FGGY: variants seen among roughly 807,000 people sequenced by gnomAD.
The protein encoded by FGGY is FGGY carbohydrate kinase domain containing.
In FGGY, 72 loss-of-function variants were observed where a neutral mutation model predicts 71.3. That is an observed-to-expected ratio of 1.01 (90% CI 0.84 to 1.23). The LOEUF (loss-of-function observed/expected upper bound fraction) is 1.23. Ranked by LOEUF, FGGY falls within the 50% of genes most tolerant of loss-of-function variation. FGGY has a pLI of 0.00. For missense variants in FGGY, 668 were observed against 682.3 expected, an observed-to-expected ratio of 0.98 and a Z score of 0.23; for synonymous variants, 251 against 250.3, an observed-to-expected ratio of 1.00 and a Z score of -0.02.
At chr1:59,430,117 C>T (rs1377534896) in intron 5 of FGGY, among the ~76,000 whole-genome samples, 1 of 152,172 alleles carries the variant, frequency 6.6e-6, no homozygotes, top group Non-Finnish European at 1.5e-5. Context: ...TTCAGTTTTG[C>T]ATGTGAAGAG....
At chr1:59,329,192 A>G (rs1162888329) in intron 2 of FGGY, among the ~76,000 whole-genome samples, 1 of 152,232 alleles carries the variant, frequency 6.6e-6, no homozygotes, top group Non-Finnish European at 1.5e-5. Flanking sequence ...GTTCCAGACC[A>G]CTGCCACAAA....
chr1:59,586,438 A>G (rs2096288553), intron 8 of FGGY, among the ~76,000 whole-genome samples: 1 of 152,264 alleles, frequency 6.6e-6, no homozygotes, highest in Admixed American at 6.5e-5. Context: ...GTTCTCACTC[A>G]TAGGTGGGAA....
chr1:59,536,855 TAAG>T (rs1254210439), intron 7 of FGGY, among the ~76,000 whole-genome samples: 7 of 152,070 alleles, frequency 4.6e-5, no homozygotes, highest in East Asian at 3.9e-4. Flanking sequence ...TTCAAAATAA[TAAG>T]AGCTATTTAT....
At chr1:59,369,359 G>A (rs2057166635) in intron 4 of FGGY, among the ~76,000 whole-genome samples, 1 of 152,234 alleles carries the variant, frequency 6.6e-6, no homozygotes, top group Non-Finnish European at 1.5e-5. Flanking sequence ...GAGGCTGGGG[G>A]AGGAGCGCCC....
At chr1:59,652,099 G>C (rs1242258564) in intron 11 of FGGY, among the ~76,000 whole-genome samples, 2 of 152,086 alleles carry the variant, frequency 1.3e-5, no homozygotes, top group African/African-American at 2.4e-5. Flanking sequence ...CTTCTGGCTT[G>C]TAGGGTTTCT....
intron 5 of FGGY, among the ~76,000 whole-genome samples, chr1:59,441,472 C>A (rs995980335): frequency 6.6e-5 from 10 of 152,224 alleles, no homozygotes; most frequent in African/African-American, 2.2e-4. Flanking sequence ...CAACCCATCT[C>A]AGTTCCCTGT....
intron 6 of FGGY, among the ~76,000 whole-genome samples, chr1:59,498,483 C>A (rs2094118552): frequency 6.6e-6 from 1 of 151,986 alleles, no homozygotes; most frequent in Non-Finnish European, 1.5e-5. Context: ...AGAATGGGGC[C>A]CAGGAATTGC....
intron 6 of FGGY, among the ~76,000 whole-genome samples, chr1:59,461,773 T>C (rs1009005549): frequency 1.3e-5 from 2 of 151,720 alleles, no homozygotes; most frequent in Non-Finnish European, 2.9e-5. Flanking sequence ...CAACATTCTT[T>C]TGTTTTGTTT....
chr1:59,348,909 G>A (rs2052676483), intron 4 of FGGY, among the ~76,000 whole-genome samples: 1 of 152,110 alleles, frequency 6.6e-6, no homozygotes, highest in African/African-American at 2.4e-5. Flanking sequence ...GTATGCTTTG[G>A]TCAAAGCACT....
At chr1:59,406,652 T>C (rs1286281490) in intron 5 of FGGY, among the ~76,000 whole-genome samples, 1 of 152,154 alleles carries the variant, frequency 6.6e-6, no homozygotes, top group Non-Finnish European at 1.5e-5. Flanking sequence ...AACTGGAGGC[T>C]CAGAGGAACC....
At chr1:59,489,287 T>C (rs2093752176) in intron 6 of FGGY, among the ~76,000 whole-genome samples, 1 of 152,108 alleles carries the variant, frequency 6.6e-6, no homozygotes, top group African/African-American at 2.4e-5. Flanking sequence ...CTATAGTTAT[T>C]CTACAGTGGT....
intron 4 of FGGY, among the ~76,000 whole-genome samples, chr1:59,369,060 C>T (rs937745466): frequency 1.3e-5 from 2 of 152,054 alleles, no homozygotes; most frequent in African/African-American, 4.8e-5. Context: ...AGACAGTGGG[C>T]GCAGGTCAGT....
chr1:59,611,014 G>A (rs925274453), intron 9 of FGGY, among the ~76,000 whole-genome samples: 1 of 152,216 alleles, frequency 6.6e-6, no homozygotes, highest in African/African-American at 2.4e-5. Flanking sequence ...AAGTGGCCTG[G>A]AAGCTCTAAC....
intron 12 of FGGY, among the ~76,000 whole-genome samples, chr1:59,663,166 C>T (rs560370592): frequency 6.6e-6 from 1 of 152,150 alleles, no homozygotes. Flanking sequence ...AACACTGTAA[C>T]CCTGTAAGTA....
At chr1:59,499,955 G>A (rs879566380) in intron 6 of FGGY, among the ~76,000 whole-genome samples, 11 of 152,010 alleles carry the variant, frequency 7.2e-5, no homozygotes, top group Admixed American at 5.9e-4. Context: ...ATATATGTTT[G>A]TATTTCCCTT....
intron 1 of FGGY, among the ~76,000 whole-genome samples, chr1:59,314,968 C>G (rs1336980160): frequency 6.6e-6 from 1 of 152,154 alleles, no homozygotes; most frequent in African/African-American, 2.4e-5. Context: ...CTGGGATCTT[C>G]AGAGCCTGTT....
intron 9 of FGGY, among the ~76,000 whole-genome samples, chr1:59,615,055 A>G (rs983823944): frequency 2.0e-5 from 3 of 152,170 alleles, no homozygotes; most frequent in Admixed American, 2.0e-4. Context: ...AATCAATATC[A>G]TGAAAATGGC....
intron 14 of FGGY, among the ~76,000 whole-genome samples, chr1:59,720,199 AG>A (rs2097877865): frequency 6.6e-6 from 1 of 152,176 alleles, no homozygotes. Context: ...GCAACAGGTA[AG>A]GGGCTCATAG....
intron 4 of FGGY, among the ~76,000 whole-genome samples, chr1:59,366,352 G>A (rs997708949): frequency 3.9e-5 from 6 of 152,042 alleles, no homozygotes; most frequent in Admixed American, 3.3e-4. Flanking sequence ...TTGTTTCTTG[G>A]GTCTTTCTCG....
Sources: allele counts gnomAD v4.1 joint callset (sites outside exome capture counted in the v4.1 genomes callset), GRCh38; gene constraint gnomAD v4.1.1; transcripts MANE v1.5; gene names NCBI Gene and HGNC (gene_info 2026-07-23, HGNC 2026-07-21).